KCTD14: variants seen among roughly 807,000 people sequenced by gnomAD.
KCTD14 encodes potassium channel tetramerization domain containing 14.
In KCTD14, 7 loss-of-function variants were observed where a neutral mutation model predicts 5.9. The observed-to-expected ratio is 1.19, with a 90% CI of 0.68 to 2.23. KCTD14 has a LOEUF of 2.23. Among genes scored for constraint, KCTD14 ranks in the 30% most tolerant of loss-of-function variants. KCTD14 has a pLI of 0.00. For missense variants in KCTD14, 342 were observed against 332.2 expected (o/e 1.03, Z -0.23); for synonymous variants, 140 against 133.1 (o/e 1.05, Z -0.36).
At chr11:78,020,092 A>C (rs1591176337) in intron 1 of KCTD14, among the ~76,000 whole-genome samples, 2 of 152,238 alleles carry the variant, frequency 1.3e-5, no homozygotes, top group South Asian at 4.1e-4. Context: ...CGGCTTAAGC[A>C]TGTAGGTGCT....
intron 1 of KCTD14, among the ~76,000 whole-genome samples, chr11:78,020,272 G>T (rs992684740): frequency 1.2e-4 from 19 of 152,190 alleles, no homozygotes; most frequent in African/African-American, 4.6e-4. Context: ...CAGGGCTCAG[G>T]AATGTCCCTC....
At chr11:78,034,188 T>C (rs964676280) in intron 2 of KCTD14, among the ~76,000 whole-genome samples, 11 of 152,050 alleles carry the variant, frequency 7.2e-5, no homozygotes, top group African/African-American at 2.4e-4. Flanking sequence ...GGCGCCACAA[T>C]CACAGTTCAC....
intron 2 of KCTD14, among the ~76,000 whole-genome samples, chr11:78,028,308 A>C (rs1163126613): frequency 6.6e-6 from 1 of 152,198 alleles, no homozygotes; most frequent in Non-Finnish European, 1.5e-5. Context: ...TGTCACAGTC[A>C]AGAGCATCCT....
intron 2 of KCTD14, among the ~76,000 whole-genome samples, chr11:78,032,726 A>G (rs1469883426): frequency 3.1e-5 from 4 of 129,508 alleles, no homozygotes; most frequent in Admixed American, 8.5e-5. Flanking sequence ...TTTTTTTGAG[A>G]CAGCATCTCA....
At chr11:78,023,350 G>T, upstream of KCTD14, 1 of 1,117,960 alleles carries the variant, frequency 8.9e-7, no homozygotes, top group Non-Finnish European at 1.3e-6. Flanking sequence ...GTGGCTTGCA[G>T]TGAGACTGGG....
chr11:78,030,946 A>G (rs1286708172), intron 2 of KCTD14, among the ~76,000 whole-genome samples: 1 of 152,036 alleles, frequency 6.6e-6, no homozygotes, highest in Non-Finnish European at 1.5e-5. Context: ...AAGTCTGTAG[A>G]GAATGGTCCA....
At position 78,017,117 on chromosome 11, in the gene KCTD14, G is replaced by A. The variant is rs1857189826; in HGVS notation, c.244C>T (p.Pro82Ser). Residue 82 changes from proline to serine, a missense_variant, in exon 2 of 2, where the codon CCC (proline) becomes TCC (serine). Physicochemically the swap from Pro to Ser is moderately conservative, Grantham distance 74. Coordinates refer to ENST00000353172, the MANE Select transcript of KCTD14 (RefSeq NM_023930.4). The stretch of plus-strand genomic sequence containing the variant: ...AGGATGGGTCTGAAATAGGTGCTGG[G>A]GCGGTCGATGAAGAAGCGGCCCTCC... ...DAEGRFFIDR[P>S]STYFRPILDY... The A allele has an allele frequency of 6.2e-7, 1 of 1,614,072 alleles. No individual in the cohort carries two copies. Among genetic ancestry groups the A allele is most frequent in the African/African-American group, 1.3e-5 (1 of 74,930 alleles).
intron 1 of KCTD14, among the ~76,000 whole-genome samples, chr11:78,017,681 G>A (rs990645974): frequency 1.3e-5 from 2 of 152,068 alleles, no homozygotes; most frequent in African/African-American, 2.4e-5. Context: ...CTGACCTCAC[G>A]TGATCCGCCT....
At chr11:78,023,003 A>T in intron 1 of KCTD14, 157 bp downstream of exon 1, 1 of 592,848 alleles carries the variant, frequency 1.7e-6, no homozygotes, top group Non-Finnish European at 3.0e-6. Flanking sequence ...CAAAGATTGA[A>T]GAGAGCGACC....
intron 2 of KCTD14, among the ~76,000 whole-genome samples, chr11:78,035,261 T>G (rs1429837327): frequency 6.6e-6 from 1 of 152,102 alleles, no homozygotes; most frequent in Non-Finnish European, 1.5e-5. Flanking sequence ...TCCACAGGCT[T>G]CCATGCACCC....
intron 1 of KCTD14, among the ~76,000 whole-genome samples, chr11:78,039,017 A>T (rs1352347154): frequency 7.4e-5 from 11 of 147,924 alleles, no homozygotes; most frequent in African/African-American, 2.7e-4. Flanking sequence ...TTTCCCCAGA[A>T]GGGAGAATAT....
intron 2 of KCTD14, among the ~76,000 whole-genome samples, chr11:78,033,889 A>ATG (rs140535954): frequency 2.7e-5 from 3 of 110,186 alleles, no homozygotes; most frequent in Non-Finnish European, 4.9e-5. Context: ...GTGTGTGTGT[A>ATG]TGTGTGTGTG....
rs754137299 is a variant in KCTD14 at position 78,023,151 on chromosome 11, C to T, written c.90+9G>A. ...AGAGGCGCGGGGACGCAGCTAGCCT[C>T]GCACTTACCGTTGGCCGCCTGGGCC... is the stretch of plus-strand genomic sequence containing the variant. On this transcript the variant is annotated intron_variant, in intron 1 of 1. Coordinates refer to ENST00000353172, the MANE Select transcript of KCTD14 (RefSeq NM_023930.4). 3.2e-6 allele frequency: 5 copies of T among 1,560,542 alleles called. No individual in the cohort carries two copies. Among genetic ancestry groups the T allele is most frequent in the Non-Finnish European group, 3.5e-6 (4 of 1,147,758 alleles).
chr11:78,016,497 G>T lies in KCTD14; in HGVS notation c.*96C>A. On this transcript the variant is annotated 3_prime_UTR_variant, in exon 2 of 2. Transcript: ENST00000353172. ...AGACTCTAGACCAACCCTGGAAATT[G>T]CCTGATGTTTGTGAAATTAAAAGAA... is the stretch of plus-strand genomic sequence containing the variant. The T allele has an allele frequency of 1.9e-6, 2 of 1,076,658 alleles. No individual in the cohort carries two copies. The highest frequency in any genetic ancestry group is 2.7e-6 in the Non-Finnish European group (2 of 746,228). 66.7% of individuals were successfully genotyped at this position (1,076,658 alleles called of 1,614,324 possible).
At chr11:78,038,378 G>A (rs985170586) in intron 2 of KCTD14, among the ~76,000 whole-genome samples, 1 of 152,204 alleles carries the variant, frequency 6.6e-6, no homozygotes. Flanking sequence ...CCTCTGGCCT[G>A]CAGGGCCAAT....
chr11:78,040,625 G>C (rs1053944358), intron 1 of KCTD14, among the ~76,000 whole-genome samples: 1 of 151,570 alleles, frequency 6.6e-6, no homozygotes, highest in Non-Finnish European at 1.5e-5. Flanking sequence ...GGGAGAGAAG[G>C]CAACCAACAT....
chr11:78,029,978 G>A (rs1220737165), intron 2 of KCTD14, among the ~76,000 whole-genome samples: 1 of 151,934 alleles, frequency 6.6e-6, no homozygotes, highest in Admixed American at 6.6e-5. Context: ...TAGAGACAGG[G>A]TTTCACCGTG....
chr11:78,028,361 T>C (rs949442772), intron 2 of KCTD14, among the ~76,000 whole-genome samples: 2 of 152,064 alleles, frequency 1.3e-5, no homozygotes, highest in African/African-American at 4.8e-5. Flanking sequence ...TCCCAGCACT[T>C]TGGGAGGCTG....
chr11:78,038,825 G>A (rs1317052287), intron 1 of KCTD14: 1 of 1,521,828 alleles, frequency 6.6e-7, no homozygotes, highest in Non-Finnish European at 8.8e-7. Flanking sequence ...CAGGAGTTCA[G>A]AGGGCCCAGG....
Sources: gnomAD v4.1 joint callset for allele counts (sites outside exome capture counted in the v4.1 genomes callset) on GRCh38, gnomAD v4.1.1 for gene constraint, MANE v1.5 for transcripts, NCBI Gene and HGNC (gene_info 2026-07-23, HGNC 2026-07-21) for gene names.